The following L3MBTL3 variants were observed in gnomAD, a reference collection of about 807,000 sequenced individuals.
L3MBTL3 encodes the protein L3MBTL histone methyl-lysine binding protein 3.
L3MBTL3 carries 27 observed loss-of-function variants against 102.3 expected under a neutral mutation model. The observed-to-expected ratio is 0.26, with a 90% CI of 0.19 to 0.36. L3MBTL3 has a LOEUF of 0.36. Ranked by LOEUF, L3MBTL3 falls within the 10% of genes least tolerant of loss-of-function variation. The pLI is 1.00. For missense variants in L3MBTL3, 798 were observed against 955.3 expected (o/e 0.84, Z 2.17); for synonymous variants, 340 against 320.9 (o/e 1.06, Z -0.64).
At chr6:130,076,674 G>A (rs1318238036) in intron 13 of L3MBTL3, among the ~76,000 whole-genome samples, 1 of 152,004 alleles carries the variant, frequency 6.6e-6, no homozygotes, top group East Asian at 1.9e-4. Flanking sequence ...ACCTTTAGTT[G>A]TTCTTCATAT....
At chr6:130,121,049 G>T in intron 20 of L3MBTL3, 91 bp downstream of exon 20, 2 of 800,546 alleles carry the variant, frequency 2.5e-6, no homozygotes, top group Non-Finnish European at 4.1e-6. Flanking sequence ...TCTCTTTTAT[G>T]TTAAAAATGA....
intron 22 of L3MBTL3, among the ~76,000 whole-genome samples, 164 bp from the exon 23 acceptor site, chr6:130,139,446 G>A (rs1232675943): frequency 1.3e-5 from 2 of 152,144 alleles, no homozygotes; most frequent in East Asian, 3.9e-4. Context: ...TGTCATTGTG[G>A]ATAAGAAAGG....
At chr6:130,106,586 C>T (rs1233752922) in intron 19 of L3MBTL3, among the ~76,000 whole-genome samples, 1 of 152,156 alleles carries the variant, frequency 6.6e-6, no homozygotes, top group Non-Finnish European at 1.5e-5. Flanking sequence ...TCCGAAGCAG[C>T]CTGTGAGCTA....
intron 9 of L3MBTL3, among the ~76,000 whole-genome samples, chr6:130,058,962 G>A (rs533425650): frequency 4.5e-4 from 69 of 152,008 alleles, no homozygotes; most frequent in Non-Finnish European, 7.5e-4. Flanking sequence ...ATGTTAGGAC[G>A]ATTACATCTG....
chr6:130,124,985 A>T (rs1056889215), intron 20 of L3MBTL3, among the ~76,000 whole-genome samples: 11 of 152,018 alleles, frequency 7.2e-5, no homozygotes, highest in African/African-American at 2.7e-4. Flanking sequence ...AAAAAAAAAT[A>T]AAATAAAATA....
At chr6:130,122,379 A>G (rs140446133) in intron 20 of L3MBTL3, among the ~76,000 whole-genome samples, 62 of 152,328 alleles carry the variant, frequency 4.1e-4, no homozygotes, top group African/African-American at 1.2e-3. Flanking sequence ...AGCACGGTGT[A>G]CAAAGCCTAT....
intron 2 of L3MBTL3, among the ~76,000 whole-genome samples, chr6:130,030,202 C>T (rs1779622088): frequency 6.6e-6 from 1 of 151,856 alleles, no homozygotes; most frequent in Non-Finnish European, 1.5e-5. Flanking sequence ...ACATACCAAG[C>T]ATTCACTGTG....
rs984272854 is a variant in L3MBTL3, at chr6:130,133,552, G to T, written c.2067G>T (p.Gln689His). ...CATGTCTGCCCTTGCGCTGGGAGCAGCAAAGCAAACTTCTTCCAACTGTCG... is the reference window on the plus strand; with the variant it reads ...CATGTCTGCCCTTGCGCTGGGAGCATCAAAGCAAACTTCTTCCAACTGTCG... ...PIPCLPLRWEQQSKLLPTVAG... is the reference protein window; with the variant it reads ...PIPCLPLRWEHQSKLLPTVAG... The change falls in exon 21 of 23, where the codon CAG becomes CAT. Residue 689 changes from glutamine to histidine, a missense_variant. This residue lies in a region of L3MBTL3 where 306 missense variants were observed against 314.4 expected (regional missense o/e 0.97). Coordinates refer to ENST00000361794, the MANE Select transcript of L3MBTL3 (RefSeq NM_032438.4). This position sits in a 1 kb window ranked among gnomAD's most constrained non-coding sequence, Gnocchi z 4.9. 5.6e-6 allele frequency: 9 copies of T among 1,613,986 alleles called. No individual in the cohort carries two copies. The highest frequency in any genetic ancestry group is 7.6e-6 in the Non-Finnish European group (9 of 1,180,018).
rs192897074 is a variant in L3MBTL3, at chr6:130,084,944, C to T, written c.1408-1196C>T. Among the ~76,000 whole-genome samples the T allele has an allele frequency of 3.5e-4, 53 of 152,248 alleles. No individual in the cohort carries two copies. In the East Asian group the frequency reaches 7.0e-3, roughly 20 times the overall value. On this transcript the variant is annotated intron_variant, in intron 15 of 22. Coordinates refer to ENST00000361794, the MANE Select transcript of L3MBTL3 (RefSeq NM_032438.4). ...TCACAGGCTTAAGTGATCCTCCCAC[C>T]TCAGCTTCCTGAGTAGTTGGGACTA...
At chr6:130,036,672 A>G (rs1780086607) in intron 2 of L3MBTL3, among the ~76,000 whole-genome samples, 2 of 152,200 alleles carry the variant, frequency 1.3e-5, no homozygotes, top group Non-Finnish European at 2.9e-5. Flanking sequence ...GGAAAAGACT[A>G]AAAATCTATT....
chr6:130,108,463 T>C (rs1785140283), intron 19 of L3MBTL3, among the ~76,000 whole-genome samples: 1 of 152,000 alleles, frequency 6.6e-6, no homozygotes, highest in Non-Finnish European at 1.5e-5. Context: ...CTCAATCTCC[T>C]GACTTCCTGA....
chr6:130,031,109 A>G (rs60951415), intron 2 of L3MBTL3, among the ~76,000 whole-genome samples: 3,084 of 152,170 alleles, frequency 0.02, 100 homozygotes, highest in African/African-American at 0.07. Context: ...ACTAAATCTG[A>G]GAGCTGTAGG....
rs146062842 is a variant in L3MBTL3 at position 130,055,184 on chromosome 6, A to T, written c.596A>T (p.Asp199Val). 6.2e-7 allele frequency: 1 copy of T among 1,613,638 alleles called. No individual in the cohort carries two copies. Among genetic ancestry groups the T allele is most frequent in the African/African-American group, 1.3e-5 (1 of 74,926 alleles). Residue 199 changes from aspartate (D) to valine (V), a missense_variant, in exon 8 of 23, where the codon GAT becomes GTT. Around this residue, in one of 4 missense-constraint regions of L3MBTL3, gnomAD observed 434 missense variants for 506.6 expected, o/e 0.86. Transcript: ENST00000361794. ...TTCTTTTTGTAGGAGAACAAACAAG[A>T]TGTAAGAATCCTGAGGGGTTCGCAG... ...ERDDEMENKQDVRILRGSQRA... is the reference protein window; with the variant it reads ...ERDDEMENKQVVRILRGSQRA...
At chr6:130,026,867 G>A (rs1779386793) in intron 2 of L3MBTL3, among the ~76,000 whole-genome samples, 1 of 152,040 alleles carries the variant, frequency 6.6e-6, no homozygotes, top group South Asian at 2.1e-4. Flanking sequence ...GGCTCAGTAG[G>A]TTATGAAATT....
At chr6:130,021,697 G>A (rs1224817781) in intron 1 of L3MBTL3, among the ~76,000 whole-genome samples, 2 of 152,210 alleles carry the variant, frequency 1.3e-5, no homozygotes, top group Non-Finnish European at 2.9e-5. Context: ...TGTCTGATAA[G>A]TGTAAGGCAA....
chr6:130,026,287 C>T (rs1363261837), intron 2 of L3MBTL3, among the ~76,000 whole-genome samples: 3 of 152,066 alleles, frequency 2.0e-5, no homozygotes, highest in African/African-American at 7.2e-5. Context: ...CTTTCACTAA[C>T]CTTGAGCACT....
chr6:130,080,753 C>T (rs1380716865), intron 14 of L3MBTL3, among the ~76,000 whole-genome samples: 1 of 152,106 alleles, frequency 6.6e-6, no homozygotes, highest in Non-Finnish European at 1.5e-5. Context: ...ATACATAATG[C>T]CATTACAATA....
chr6:130,040,590 T>C (rs1021842218), intron 2 of L3MBTL3, among the ~76,000 whole-genome samples: 2 of 152,188 alleles, frequency 1.3e-5, no homozygotes, highest in African/African-American at 4.8e-5. Context: ...TTGTAAGTGT[T>C]ACAAAATCCT....
intron 19 of L3MBTL3, among the ~76,000 whole-genome samples, chr6:130,105,034 T>C (rs1461701695): frequency 1.3e-5 from 2 of 152,226 alleles, no homozygotes; most frequent in African/African-American, 4.8e-5. Flanking sequence ...TTAATTGTTT[T>C]ATAAGCCCAG....
Sources: gnomAD v4.1 joint callset for allele counts (sites outside exome capture counted in the v4.1 genomes callset) on GRCh38, gnomAD v4.1.1 for gene constraint, gnomAD v4.1.1 regional missense constraint, Gnocchi (gnomAD v3.1) non-coding constraint, MANE v1.5 for transcripts, NCBI Gene and HGNC (gene_info 2026-07-23, HGNC 2026-07-21) for gene names.